The following MYO9A variants were observed in gnomAD, a reference collection of about 807,000 sequenced individuals.
MYO9A encodes the protein unconventional myosin-IXa.
Under a neutral mutation model 293.3 loss-of-function variants are expected in MYO9A, and 103 were observed. That is an observed-to-expected ratio of 0.35 (90% CI 0.30 to 0.41). MYO9A has a LOEUF of 0.41. Ranked by LOEUF, MYO9A falls within the 10% of genes least tolerant of loss-of-function variation. The probability of loss-of-function intolerance (pLI) is 1.00; values close to 1 mark genes in which losing one functional copy is unlikely to be tolerated. For synonymous variants in MYO9A, 1,001 were observed against 1,035.7 expected (o/e 0.97, Z 0.64); for missense variants, 2,685 against 3,033.0 (o/e 0.89, Z 2.69).
intron 18 of MYO9A, among the ~76,000 whole-genome samples, chr15:71,930,194 C>T (rs901221797): frequency 2.6e-5 from 4 of 152,106 alleles, no homozygotes; most frequent in African/African-American, 9.7e-5. Flanking sequence ...CTGAAATGTT[C>T]TGTATATGTC....
intron 11 of MYO9A, among the ~76,000 whole-genome samples, chr15:71,990,395 T>C (rs2076510218): frequency 6.6e-6 from 1 of 152,038 alleles, no homozygotes; most frequent in Admixed American, 6.5e-5. Flanking sequence ...AGCAAATCTA[T>C]TTAGGGAACT....
rs1289601989 is a variant in MYO9A at position 71,826,299 on chromosome 15, G to C, written c.*281C>G. ...GAAGGGAAAAGAGGGTGGGGGAGAGGCAACTACAACTGACCCAAATCCCCA... is the reference window on the plus strand; with the variant it reads ...GAAGGGAAAAGAGGGTGGGGGAGAGCCAACTACAACTGACCCAAATCCCCA... On this transcript the variant is annotated 3_prime_UTR_variant, in exon 42 of 42. Transcript: ENST00000356056. The C allele has an allele frequency of 8.9e-6, 3 of 337,356 alleles. No individual in the cohort carries two copies. Among genetic ancestry groups the C allele is most frequent in the Non-Finnish European group, 1.6e-5 (3 of 186,426 alleles). 20.9% of individuals were successfully genotyped at this position (337,356 alleles called of 1,614,324 possible). A position where few individuals can be genotyped will look rare whatever the true frequency, so the allele number is the denominator to read the frequency against.
chr15:71,880,308 G>C (rs1003726993), intron 29 of MYO9A, 27 bp downstream of exon 29: 5 of 1,596,754 alleles, frequency 3.1e-6, no homozygotes. Flanking sequence ...AGCTGCTCCA[G>C]GGCCTGACGT....
At chr15:71,880,847 G>A (rs775071906) in intron 28 of MYO9A, among the ~76,000 whole-genome samples, 39 of 152,106 alleles carry the variant, frequency 2.6e-4, no homozygotes, top group Non-Finnish European at 2.2e-4. Context: ...TGCTTTGCAG[G>A]ACGTCAAGTT....
intron 8 of MYO9A, among the ~76,000 whole-genome samples, chr15:72,005,797 T>C (rs2076999377): frequency 6.6e-6 from 1 of 152,202 alleles, no homozygotes; most frequent in South Asian, 2.1e-4. Flanking sequence ...ATTAACTTTA[T>C]GCTCTAAAAC....
At chr15:71,919,064 C>T (rs561186821) in intron 18 of MYO9A, among the ~76,000 whole-genome samples, 54 of 152,320 alleles carry the variant, frequency 3.5e-4, no homozygotes, top group African/African-American at 1.2e-3. Flanking sequence ...TTACATGTCA[C>T]TTAATTTTCA....
At chr15:71,922,442 T>C (rs1286794572) in intron 18 of MYO9A, among the ~76,000 whole-genome samples, 1 of 152,212 alleles carries the variant, frequency 6.6e-6, no homozygotes, top group Admixed American at 6.5e-5. Context: ...ATATCTCACA[T>C]ACTTATTTCT....
chr15:71,999,521 T>C (rs903773449), intron 9 of MYO9A, among the ~76,000 whole-genome samples: 2 of 152,092 alleles, frequency 1.3e-5, no homozygotes, highest in African/African-American at 4.8e-5. Flanking sequence ...GAAGAAACTG[T>C]CTCAAGAAGA....
chr15:71,825,009 T>C lies in MYO9A; in HGVS notation c.*1571A>G, dbSNP rs1430799797. On this transcript the variant is annotated 3_prime_UTR_variant, in exon 42 of 42. Coordinates refer to ENST00000356056, the MANE Select transcript of MYO9A (RefSeq NM_006901.4). ...GAATACCCAAAATACAGGTTATAGA[T>C]GGTAAAGGCTCTTTTTCAGAGCAGT... The C allele has an allele frequency of 6.6e-6, 1 of 152,194 alleles. No individual in the cohort carries two copies. The highest frequency in any genetic ancestry group is 1.5e-5 in the Non-Finnish European group (1 of 68,030). 9.4% of individuals were successfully genotyped at this position (152,194 alleles called of 1,614,324 possible).
chr15:72,062,921 C>G (rs370265442), intron 1 of MYO9A, among the ~76,000 whole-genome samples: 3 of 152,276 alleles, frequency 2.0e-5, no homozygotes, highest in African/African-American at 7.2e-5. Context: ...ACTAAGGAGG[C>G]TGAGATGGGA....
chr15:72,099,434 A>AAG (rs2080186016), intron 1 of MYO9A, among the ~76,000 whole-genome samples: 3 of 149,428 alleles, frequency 2.0e-5, no homozygotes, highest in Non-Finnish European at 4.5e-5. Flanking sequence ...AAAAAAAAAA[A>AAG]AAAAAAAAGA....
chr15:71,956,330 A>AAAATATATATATATATAT (rs10642655), intron 14 of MYO9A, among the ~76,000 whole-genome samples: 5 of 75,578 alleles, frequency 6.6e-5, no homozygotes, highest in African/African-American at 3.0e-4. Context: ...AAAAAAAAAA[A>AAAATATATATATATATAT]ATATATATAT....
At chr15:71,953,705 TTTTTA>T (rs2059111218) in intron 14 of MYO9A, 1 of 152,102 alleles carries the variant, frequency 6.6e-6, no homozygotes, top group Non-Finnish European at 1.5e-5. Context: ...TTTCTATACC[TTTTTA>T]CAGTTTTGAA....
chr15:72,110,019 C>T (rs547931693), intron 1 of MYO9A, among the ~76,000 whole-genome samples: 4 of 150,058 alleles, frequency 2.7e-5, no homozygotes, highest in African/African-American at 7.4e-5. Context: ...AGCCAGGCAG[C>T]GTAGTGGCAC....
Position 72,117,951 on chromosome 15 carries a change from C to T in MYO9A, c.-343G>A. 1 of 401,350 alleles carries T rather than the reference C, an allele frequency of 2.5e-6. No individual in the cohort carries two copies. The highest frequency in any genetic ancestry group is 4.4e-6 in the Non-Finnish European group (1 of 228,476). The allele number at this position is 401,350 out of a possible 1,614,324, so 24.9% of individuals were successfully genotyped here. A position where few individuals can be genotyped will look rare whatever the true frequency, so the allele number is the denominator to read the frequency against. On this transcript the variant is annotated 5_prime_UTR_variant, in exon 1 of 42. Transcript: ENST00000356056. Reference sequence around the variant, plus strand: ...AGCACGCGTTGGACCGCCGCCTCAACCGCTGCCAGCGGCCGCCTCTGCCGG... The same window carrying T: ...AGCACGCGTTGGACCGCCGCCTCAATCGCTGCCAGCGGCCGCCTCTGCCGG...
At chr15:71,848,726 C>T (rs745589120) in intron 39 of MYO9A, 119 bp downstream of exon 39, 125 of 1,195,348 alleles carry the variant, frequency 1.0e-4, no homozygotes, top group Admixed American at 1.4e-4. Flanking sequence ...GATTTGGTGA[C>T]GTTTTACTTG....
At chr15:71,848,251 A>G (rs998584170) in intron 39 of MYO9A, among the ~76,000 whole-genome samples, 1 of 151,664 alleles carries the variant, frequency 6.6e-6, no homozygotes, top group Non-Finnish European at 1.5e-5. Context: ...AACTGGAGTT[A>G]TATGTTACTG....
chr15:72,099,866 C>T (rs897108371), intron 1 of MYO9A, among the ~76,000 whole-genome samples: 5 of 130,860 alleles, frequency 3.8e-5, no homozygotes, highest in Non-Finnish European at 6.3e-5. Flanking sequence ...CGAGCCACTG[C>T]ACTCCAGCCC....
Position 71,826,953 on chromosome 15 carries a change from G to A in MYO9A, c.7274C>T (p.Ser2425Phe), listed in dbSNP as rs1418675901. ...GACCGAAGAGTCCACGACATCTAAA[G>A]AGTCTTGCTGCTTTTTAAGTTGCTT... Reference protein sequence around the residue: ...LRKQLKKQQDSLDVVDSSVSS... With the variant: ...LRKQLKKQQDFLDVVDSSVSS... Residue 2425 changes from serine to phenylalanine, a missense_variant, in exon 42 of 42, where the codon TCT becomes TTT. By Grantham distance (155) the Ser-to-Phe change is radical (BLOSUM62 -2). Transcript: ENST00000356056. The A allele has an allele frequency of 7.4e-6, 12 of 1,613,818 alleles. No individual in the cohort carries two copies. Among genetic ancestry groups the A allele is most frequent in the Non-Finnish European group, 1.0e-5 (12 of 1,179,938 alleles).
Sources: allele counts gnomAD v4.1 joint callset (sites outside exome capture counted in the v4.1 genomes callset), GRCh38; gene constraint gnomAD v4.1.1; transcripts MANE v1.5; gene names NCBI Gene and HGNC (gene_info 2026-07-23, HGNC 2026-07-21).